The following PRDM15 variants were observed in gnomAD, a reference collection of about 807,000 sequenced individuals.
PRDM15 encodes the protein PR/SET domain 15.
A neutral mutation model predicts 128.6 loss-of-function variants in PRDM15; 64 were observed. That is an observed-to-expected ratio of 0.50 (90% CI 0.41 to 0.61). PRDM15 has a LOEUF of 0.61. Among genes scored for constraint, PRDM15 ranks in the 20% least tolerant of loss-of-function variants. PRDM15 has a pLI of 0.00. For synonymous variants in PRDM15, 615 were observed against 621.8 expected (o/e 0.99, Z 0.16); for missense variants, 1,242 against 1,569.1 (o/e 0.79, Z 3.52).
intron 5 of PRDM15, among the ~76,000 whole-genome samples, chr21:41,851,198 T>A (rs1479986267): frequency 6.6e-6 from 1 of 152,166 alleles, no homozygotes; most frequent in African/African-American, 2.4e-5. Context: ...AGAGGGCACG[T>A]CACTGAGCAG....
intron 17 of PRDM15, 182 bp downstream of exon 17, chr21:41,819,912 TG>T: frequency 2.6e-6 from 2 of 761,182 alleles, no homozygotes; most frequent in East Asian, 2.7e-5. Flanking sequence ...GTGAGGGGGC[TG>T]GGGGCGCTGG....
At chr21:41,855,893 CCTT>C (rs2063567253) in intron 4 of PRDM15, among the ~76,000 whole-genome samples, 1 of 144,712 alleles carries the variant, frequency 6.9e-6, no homozygotes, top group Admixed American at 6.9e-5. Context: ...CCTTTTCTTT[CCTT>C]CCTTCCTTCC....
At chr21:41,871,390 C>T (rs1013537795) in intron 1 of PRDM15, 90 of 828,506 alleles carry the variant, frequency 1.1e-4, no homozygotes, top group Middle Eastern at 5.3e-4. Context: ...CCTGGGGTCA[C>T]CCTCTCTGTC....
At chr21:41,813,982 G>A (rs1163782834) in intron 19 of PRDM15, 2 of 149,684 alleles carry the variant, frequency 1.3e-5, no homozygotes, top group African/African-American at 2.5e-5. Flanking sequence ...TTATGAGAAC[G>A]ACTTGTGTTA....
At chr21:41,849,869 G>A (rs549861313) in intron 5 of PRDM15, among the ~76,000 whole-genome samples, 2 of 152,358 alleles carry the variant, frequency 1.3e-5, no homozygotes, top group Admixed American at 1.3e-4. Flanking sequence ...CCGGGAGGTA[G>A]AGGTTGCAGT....
intron 23 of PRDM15, among the ~76,000 whole-genome samples, chr21:41,802,137 G>C (rs1314288282): frequency 2.6e-5 from 4 of 152,278 alleles, no homozygotes. Flanking sequence ...TTCATGGAGA[G>C]GGATGAAAGG....
chr21:41,809,777 C>T (rs2061800714), intron 21 of PRDM15, among the ~76,000 whole-genome samples: 1 of 152,176 alleles, frequency 6.6e-6, no homozygotes, highest in Non-Finnish European at 1.5e-5. Flanking sequence ...TGCGTCTGTA[C>T]AACTTCCCCC....
Position 41,810,667 on chromosome 21 carries a change from A to G in PRDM15, c.2476+86T>C. 9.7e-7 allele frequency: 1 copy of G among 1,035,856 alleles called. No individual in the cohort carries two copies. The highest frequency in any genetic ancestry group is 1.5e-6 in the Non-Finnish European group (1 of 661,612). The allele number at this position is 1,035,856 out of a possible 1,614,324, so 64.2% of individuals were successfully genotyped here. On this transcript the variant is annotated intron_variant, in intron 20 of 23. Transcript: ENST00000398548. This position sits in a 1 kb window ranked among gnomAD's most constrained non-coding sequence, Gnocchi z 6.4. ...GCTGGAACCGTCTAGATAATAGAATAGTCGTTTCCACCCCAGCAGGCACTC... is the reference window on the plus strand; with the variant it reads ...GCTGGAACCGTCTAGATAATAGAATGGTCGTTTCCACCCCAGCAGGCACTC...
rs559154211 is a variant in PRDM15, at chr21:41,803,318, C to T, written c.2734-397G>A. 2.2e-3 allele frequency among the ~76,000 whole-genome samples: 341 copies of T among 152,302 alleles called. 3 individuals carry two copies. The highest frequency in any genetic ancestry group is 7.9e-3 in the African/African-American group (330 of 41,558). Reference sequence around the variant, plus strand: ...CTTCCCCAGGGCTGAGACGAATCCACCATAAAAAACAATTTTGAATTAAAA... The same window carrying T: ...CTTCCCCAGGGCTGAGACGAATCCATCATAAAAAACAATTTTGAATTAAAA... On this transcript the variant is annotated intron_variant, in intron 22 of 23. Transcript: ENST00000398548.
chr21:41,831,827 C>T (rs2062704191), intron 11 of PRDM15, among the ~76,000 whole-genome samples: 2 of 152,188 alleles, frequency 1.3e-5, no homozygotes, highest in South Asian at 2.1e-4. Context: ...GGCTTCTCTG[C>T]CCACATCCCA....
At chr21:41,872,913 G>A (rs1379128400) in intron 1 of PRDM15, among the ~76,000 whole-genome samples, 1 of 152,234 alleles carries the variant, frequency 6.6e-6, no homozygotes, top group Non-Finnish European at 1.5e-5. Flanking sequence ...GCTTGTTTTT[G>A]CTGCCTGTGT....
rs1399190522 is a variant in PRDM15 at position 41,815,778 on chromosome 21, C to T, written c.2319G>A (p.Glu773=). Residue 773 remains glutamate (E), a synonymous_variant, in exon 19 of 24, where the codon GAG becomes GAA. Transcript: ENST00000398548. ...HHMKLHKGIK[E]YECKECHRRF... is the part of the protein sequence containing the mutation. ...TGCGGTGGCACTCCTTGCACTCGTACTCCTTGATGCCCTTGTGCAGCTTCA... is the reference window on the plus strand; with the variant it reads ...TGCGGTGGCACTCCTTGCACTCGTATTCCTTGATGCCCTTGTGCAGCTTCA... The T allele has an allele frequency of 9.3e-6, 15 of 1,614,000 alleles. No homozygotes were observed. Among genetic ancestry groups the T allele is most frequent in the African/African-American group, 1.3e-5 (1 of 74,946 alleles).
Position 41,854,417 on chromosome 21 carries a change from G to T in PRDM15, c.538+149C>A. On this transcript the variant is annotated intron_variant, in intron 5 of 23. Coordinates refer to ENST00000398548, the MANE Select transcript of PRDM15 (RefSeq NM_001040424.3). The surrounding 1 kb of genome is among the most constrained non-coding windows in gnomAD (Gnocchi z 4.6). ...TTAAAACAAGCAGAAAGACAGACCC[G>T]ACTCTCCACTCCTCCACTCTCCGCA... 1 of 1,006,194 alleles carries T rather than the reference G, an allele frequency of 9.9e-7. No homozygotes were observed. The highest frequency in any genetic ancestry group is 1.4e-6 in the Non-Finnish European group (1 of 700,792). The allele number at this position is 1,006,194 out of a possible 1,614,324, so 62.3% of individuals were successfully genotyped here.
At chr21:41,836,400 C>T in intron 9 of PRDM15, 68 bp downstream of exon 9, 2 of 1,505,634 alleles carry the variant, frequency 1.3e-6, no homozygotes, top group Non-Finnish European at 9.1e-7. Context: ...AGACTCCGTG[C>T]TGTCCTCCCA....
intron 19 of PRDM15, chr21:41,812,353 A>C (rs1460495867): frequency 1.3e-5 from 2 of 152,280 alleles, no homozygotes; most frequent in South Asian, 4.1e-4. Context: ...TTACTAGGGA[A>C]AAAGAACCAG....
chr21:41,810,090 G>A lies in PRDM15; in HGVS notation c.2652+64C>T. On this transcript the variant is annotated intron_variant, in intron 21 of 23. Transcript: ENST00000398548. This position sits in a 1 kb window ranked among gnomAD's most constrained non-coding sequence, Gnocchi z 6.4. ...GCAGAGGGAGGTGGGCCATGTGCCA[G>A]CATGGGGGTGTCCGGTGCGCGGCCC... The A allele has an allele frequency of 6.6e-7, 1 of 1,518,184 alleles. No individual in the cohort carries two copies. The highest frequency in any genetic ancestry group is 8.9e-7 in the Non-Finnish European group (1 of 1,121,232). 94.0% of individuals were successfully genotyped at this position (1,518,184 alleles called of 1,614,324 possible). A position where few individuals can be genotyped will look rare whatever the true frequency, so the allele number is the denominator to read the frequency against.
At chr21:41,838,985 C>T (rs920601882) in intron 7 of PRDM15, among the ~76,000 whole-genome samples, 2 of 152,210 alleles carry the variant, frequency 1.3e-5, no homozygotes, top group African/African-American at 2.4e-5. Context: ...GTGAGGCCCA[C>T]GAGGCGTGTG....
chr21:41,820,337 C>T (rs73375543), intron 16 of PRDM15, among the ~76,000 whole-genome samples, 163 bp from the exon 17 acceptor site: 12,478 of 152,232 alleles, frequency 0.082, 611 homozygotes, highest in South Asian at 0.16. Context: ...TCAATCGTAA[C>T]CCCCCGAATT....
chr21:41,802,680 C>T, intron 23 of PRDM15, 32 bp downstream of exon 23: 2 of 1,587,962 alleles, frequency 1.3e-6, no homozygotes, highest in Non-Finnish European at 8.6e-7. Context: ...AAGTGACCGG[C>T]ACCTAATCAG....
Sources: allele counts gnomAD v4.1 joint callset (sites outside exome capture counted in the v4.1 genomes callset), GRCh38; gene constraint gnomAD v4.1.1; non-coding constraint Gnocchi (gnomAD v3.1); transcripts MANE v1.5; gene names NCBI Gene and HGNC (gene_info 2026-07-23, HGNC 2026-07-21).